The following ANKS1B variants were observed in gnomAD, a reference collection of about 807,000 sequenced individuals.
The protein encoded by ANKS1B is ankyrin repeat and sterile alpha motif domain containing 1B.
ANKS1B carries 36 observed loss-of-function variants against 148.3 expected under a neutral mutation model. The ratio of observed to expected loss-of-function variants is 0.24; its 90% confidence interval spans 0.19 to 0.32. ANKS1B has a LOEUF of 0.32. ANKS1B is among the 10% of genes least tolerant of loss of function. The pLI, the probability that ANKS1B is intolerant of heterozygous loss-of-function variation, is 1.00. For missense variants in ANKS1B, 1,157 were observed against 1,542.6 expected (o/e 0.75, Z 4.19); for synonymous variants, 542 against 560.8 (o/e 0.97, Z 0.47).
At chr12:99,557,076 T>C (rs899306253) in intron 9 of ANKS1B, among the ~76,000 whole-genome samples, 3 of 152,312 alleles carry the variant, frequency 2.0e-5, no homozygotes, top group Middle Eastern at 3.4e-3. Context: ...AGGTGACCTG[T>C]CCCTTTTCTC....
intron 1 of ANKS1B, among the ~76,000 whole-genome samples, chr12:99,891,445 C>T (rs1254452347): frequency 6.6e-6 from 1 of 152,066 alleles, no homozygotes; most frequent in Non-Finnish European, 1.5e-5. Flanking sequence ...GTCTTGAACT[C>T]CTGGGCTCAA....
At chr12:99,787,935 C>A (rs2153639829) in intron 4 of ANKS1B, among the ~76,000 whole-genome samples, 1 of 152,292 alleles carries the variant, frequency 6.6e-6, no homozygotes, top group Non-Finnish European at 1.5e-5. Flanking sequence ...ACATTTGCAC[C>A]AGCCCAGCCA....
intron 14 of ANKS1B, among the ~76,000 whole-genome samples, chr12:99,172,412 C>T (rs976513287): frequency 2.0e-5 from 3 of 152,148 alleles, no homozygotes; most frequent in Non-Finnish European, 4.4e-5. Context: ...AGAAAACCTG[C>T]AAGGCTCTTT....
At chr12:99,327,342 TTATAATTACATATTATA>T (rs1279231907) in intron 12 of ANKS1B, among the ~76,000 whole-genome samples, 25 of 113,374 alleles carry the variant, frequency 2.2e-4, no homozygotes, top group South Asian at 5.1e-4. Context: ...TAATTATATA[TTATAATTACATATTATA>T]TATAATTACA....
intron 12 of ANKS1B, among the ~76,000 whole-genome samples, chr12:99,305,077 G>T (rs1249775662): frequency 6.6e-6 from 1 of 151,986 alleles, no homozygotes; most frequent in East Asian, 1.9e-4. Flanking sequence ...TGGGGGGCAG[G>T]TGTATCACAT....
intron 12 of ANKS1B, among the ~76,000 whole-genome samples, chr12:99,292,599 A>G (rs1192806873): frequency 3.3e-5 from 5 of 151,898 alleles, no homozygotes; most frequent in Admixed American, 1.3e-4. Context: ...CAATCTACCC[A>G]TCTGACAAAG....
chr12:98,876,069 G>A (rs1163120845), intron 17 of ANKS1B, among the ~76,000 whole-genome samples: 1 of 152,160 alleles, frequency 6.6e-6, no homozygotes, highest in East Asian at 1.9e-4. Context: ...AATGCAGATT[G>A]AACCAAAGTG....
chr12:99,213,727 T>G (rs2153922795), intron 14 of ANKS1B, among the ~76,000 whole-genome samples: 1 of 152,368 alleles, frequency 6.6e-6, no homozygotes, highest in South Asian at 2.1e-4. Flanking sequence ...ATTTTTCATC[T>G]TAACATTCTG....
intron 16 of ANKS1B, among the ~76,000 whole-genome samples, chr12:99,066,289 C>T (rs2044300030): frequency 2.0e-5 from 3 of 151,982 alleles, no homozygotes; most frequent in South Asian, 2.1e-4. Flanking sequence ...CCACTGCACT[C>T]CAGCCTGGGT....
chr12:98,882,998 T>C (rs995211493), intron 17 of ANKS1B, among the ~76,000 whole-genome samples: 2 of 152,196 alleles, frequency 1.3e-5, no homozygotes, highest in Admixed American at 1.3e-4. Flanking sequence ...ACTGTTATTA[T>C]TAATTTTTTA....
chr12:99,641,053 T>G (rs2098298258), intron 9 of ANKS1B, among the ~76,000 whole-genome samples: 1 of 152,128 alleles, frequency 6.6e-6, no homozygotes, highest in Non-Finnish European at 1.5e-5. Flanking sequence ...CTTCCAGATT[T>G]TCTGAGCACA....
chr12:99,096,707 C>A (rs892764688), intron 15 of ANKS1B, among the ~76,000 whole-genome samples: 1 of 152,120 alleles, frequency 6.6e-6, no homozygotes, highest in Non-Finnish European at 1.5e-5. Flanking sequence ...TTTTTAACTC[C>A]ATTTTCTTCA....
intron 14 of ANKS1B, among the ~76,000 whole-genome samples, chr12:99,177,183 T>C (rs573046953): frequency 6.6e-5 from 10 of 152,346 alleles, no homozygotes; most frequent in Admixed American, 5.9e-4. Context: ...ATTCTTCATG[T>C]TAAACTCCTT....
At chr12:99,213,664 T>C (rs1025241079) in intron 14 of ANKS1B, among the ~76,000 whole-genome samples, 5 of 152,224 alleles carry the variant, frequency 3.3e-5, no homozygotes. Context: ...CCCTTGAGTA[T>C]GGTTAATGAA....
rs112027412 is a variant in ANKS1B, at chr12:98,745,870, T to G, written c.3748-21A>C. 9 of 1,608,934 alleles carry G rather than the reference T, an allele frequency of 5.6e-6. No homozygotes were observed. In the South Asian group the frequency reaches 1.0e-4, roughly 18 times the overall value. On this transcript the variant is annotated intron_variant, in intron 26 of 26. Transcript: ENST00000683438. ...ATCTGCTTTAAAACAGAAAGGCTGA[T>G]GCCTGTTATACGGTCGCCGCGCGGG...
intron 9 of ANKS1B, among the ~76,000 whole-genome samples, chr12:99,614,276 A>T (rs1022774925): frequency 3.9e-5 from 6 of 151,916 alleles, no homozygotes; most frequent in Admixed American, 1.3e-4. Flanking sequence ...CTCTACCAAA[A>T]ATACAAAAAT....
intron 2 of ANKS1B, among the ~76,000 whole-genome samples, chr12:99,812,544 CACACACACACACACAGAGAG>C (rs1453401461): frequency 2.1e-5 from 2 of 95,138 alleles, no homozygotes; most frequent in Non-Finnish European, 4.2e-5. Context: ...CACACACACA[CACACACACACACACAGAGAG>C]AGAGAGAGAG....
rs964645902 is a variant in ANKS1B at position 99,927,746 on chromosome 12, C to T, written c.134+56358G>A. Among the ~76,000 whole-genome samples the T allele has an allele frequency of 3.3e-5, 5 of 152,140 alleles. 1 individual carries two copies. Among genetic ancestry groups the T allele is most frequent in the South Asian group, 4.2e-4 (2 of 4,814 alleles). The stretch of plus-strand genomic sequence containing the variant: ...GCAGTGACTTATGATGGCACCACTG[C>T]ACTCTAGCCTGGGCAACACAGTGAT... On this transcript the variant is annotated intron_variant, in intron 1 of 26. Transcript: ENST00000683438.
intron 1 of ANKS1B, among the ~76,000 whole-genome samples, chr12:99,866,624 T>C (rs1292218920): frequency 6.6e-6 from 1 of 152,196 alleles, no homozygotes; most frequent in Admixed American, 6.5e-5. Flanking sequence ...TTCAATGCCA[T>C]TGCCTTTATT....
Sources: gnomAD v4.1 joint callset for allele counts (sites outside exome capture counted in the v4.1 genomes callset) on GRCh38, gnomAD v4.1.1 for gene constraint, MANE v1.5 for transcripts, NCBI Gene and HGNC (gene_info 2026-07-23, HGNC 2026-07-21) for gene names.